EPHA5: variants seen among roughly 807,000 people sequenced by gnomAD.
EPHA5 encodes the protein EPH receptor A5, also known as ephrin type-A receptor 5.
In EPHA5, 60 loss-of-function variants were observed where a neutral mutation model predicts 105.0. The observed-to-expected ratio is 0.57, with a 90% CI of 0.46 to 0.71. EPHA5 has a LOEUF of 0.71. Ranked by LOEUF, EPHA5 falls within the 30% of genes least tolerant of loss-of-function variation. EPHA5 has a pLI of 0.00. For missense variants in EPHA5, 1,218 were observed against 1,274.7 expected, an observed-to-expected ratio of 0.96 and a Z score of 0.68; for synonymous variants, 513 against 449.1, an observed-to-expected ratio of 1.14 and a Z score of -1.80.
At chr4:65,655,146 T>A (rs1034523927) in intron 1 of EPHA5, among the ~76,000 whole-genome samples, 5 of 151,886 alleles carry the variant, frequency 3.3e-5, no homozygotes, top group African/African-American at 1.2e-4. Flanking sequence ...CTTAGAACAC[T>A]TTCATATTCT....
chr4:65,590,281 G>T (rs1307566410), intron 3 of EPHA5, among the ~76,000 whole-genome samples: 1 of 152,052 alleles, frequency 6.6e-6, no homozygotes, highest in African/African-American at 2.4e-5. Flanking sequence ...AATCACTTTG[G>T]TTCTTACAGA....
intron 3 of EPHA5, among the ~76,000 whole-genome samples, chr4:65,599,737 C>T (rs1743527722): frequency 6.6e-6 from 1 of 152,118 alleles, no homozygotes; most frequent in South Asian, 2.1e-4. Flanking sequence ...TGAAATGTCT[C>T]CAGTTAATCC....
chr4:65,440,858 T>C (rs890833788), intron 5 of EPHA5, among the ~76,000 whole-genome samples: 5 of 151,972 alleles, frequency 3.3e-5, no homozygotes, highest in African/African-American at 7.2e-5. Context: ...AGGTGGTAGT[T>C]TGGGGAAGAA....
rs116600378 is a variant in EPHA5, at chr4:65,393,992, T to G, written c.1793+10382A>C. ...GTGACAGATACATTAAATGGTGAAC[T>G]AAAACTACTTTAGTGAGAAAATAAA... On this transcript the variant is annotated intron_variant, in intron 8 of 16. Coordinates refer to ENST00000613740, the MANE Select transcript of EPHA5 (RefSeq NM_001281766.3). Among the ~76,000 whole-genome samples, 778 of 152,254 alleles carry G rather than the reference T, an allele frequency of 5.1e-3. 5 individuals are homozygous for G. The highest frequency in any genetic ancestry group is 0.018 in the African/African-American group (744 of 41,562).
At chr4:65,606,825 A>G (rs767305399) in intron 2 of EPHA5, among the ~76,000 whole-genome samples, 3 of 152,182 alleles carry the variant, frequency 2.0e-5, no homozygotes, top group Non-Finnish European at 2.9e-5. Flanking sequence ...TATTACGACC[A>G]TCTTAGGGAT....
intron 1 of EPHA5, among the ~76,000 whole-genome samples, chr4:65,647,053 G>T (rs549407004): frequency 4.6e-5 from 7 of 152,156 alleles, no homozygotes; most frequent in Non-Finnish European, 8.8e-5. Flanking sequence ...AGTTTGCCAG[G>T]CATGGTGGCT....
intron 1 of EPHA5, among the ~76,000 whole-genome samples, chr4:65,648,909 C>A (rs1295483980): frequency 6.6e-6 from 1 of 152,102 alleles, no homozygotes; most frequent in Admixed American, 6.5e-5. Flanking sequence ...GAACAGTTTA[C>A]AAAATGAGTG....
At chr4:65,565,419 A>G (rs1165637596) in intron 3 of EPHA5, among the ~76,000 whole-genome samples, 1 of 151,790 alleles carries the variant, frequency 6.6e-6, no homozygotes, top group Non-Finnish European at 1.5e-5. Flanking sequence ...ACTCACAAAC[A>G]TATAATTAGA....
At chr4:65,593,302 A>G (rs1437429910) in intron 3 of EPHA5, among the ~76,000 whole-genome samples, 2 of 152,196 alleles carry the variant, frequency 1.3e-5, no homozygotes, top group Non-Finnish European at 2.9e-5. Context: ...CTCTAAAAAC[A>G]TTGATACTGT....
At chr4:65,373,375 T>C (rs1016900125) in intron 8 of EPHA5, among the ~76,000 whole-genome samples, 3 of 151,898 alleles carry the variant, frequency 2.0e-5, no homozygotes, top group Non-Finnish European at 4.4e-5. Context: ...TTATGCCACT[T>C]TCGTGCTGTA....
At chr4:65,332,963 G>C (rs1415758851) in intron 15 of EPHA5, among the ~76,000 whole-genome samples, 1 of 151,626 alleles carries the variant, frequency 6.6e-6, no homozygotes, top group East Asian at 1.9e-4. Context: ...AATACACCGA[G>C]GAGTGGTAGA....
chr4:65,619,857 T>C (rs1745557208), intron 2 of EPHA5, among the ~76,000 whole-genome samples: 1 of 151,750 alleles, frequency 6.6e-6, no homozygotes, highest in Non-Finnish European at 1.5e-5. Context: ...TGTTTTTCTC[T>C]TTTTCCTTAT....
intron 8 of EPHA5, among the ~76,000 whole-genome samples, chr4:65,401,773 A>G (rs1445082693): frequency 3.9e-4 from 59 of 152,032 alleles, no homozygotes; most frequent in Non-Finnish European, 1.5e-5. Context: ...CAAGCTTTGG[A>G]TTTGGCAGAA....
chr4:65,404,890 G>T (rs949100465), intron 7 of EPHA5, among the ~76,000 whole-genome samples: 5 of 152,042 alleles, frequency 3.3e-5, no homozygotes, highest in African/African-American at 4.8e-5. Context: ...CTCTAGAAAA[G>T]AATCTGATGA....
intron 8 of EPHA5, among the ~76,000 whole-genome samples, chr4:65,374,717 G>C (rs982019992): frequency 6.6e-6 from 1 of 151,892 alleles, no homozygotes; most frequent in Admixed American, 6.6e-5. Flanking sequence ...ATATTCATGA[G>C]TGATCTTTCA....
chr4:65,658,162 A>T (rs1233764039), intron 1 of EPHA5, among the ~76,000 whole-genome samples: 1 of 152,124 alleles, frequency 6.6e-6, no homozygotes, highest in African/African-American at 2.4e-5. Context: ...AATCTTGTAC[A>T]GACCTAGGCA....
chr4:65,418,862 C>CTTTTTTTTTTTT lies in EPHA5; in HGVS notation c.1527+1567_1527+1578dup, dbSNP rs575608289. On this transcript the variant is annotated intron_variant, in intron 6 of 16. Transcript: ENST00000613740. ...AACATTCAATACACTTACCTAAACT[C>CTTTTTTTTTTTT]TTTTTTTTTTTTTTTTTTTTTTTTT... 1.9e-3 allele frequency among the ~76,000 whole-genome samples: 89 copies of CTTTTTTTTTTTT among 47,078 alleles called. 14 individuals are homozygous for CTTTTTTTTTTTT. Among genetic ancestry groups the CTTTTTTTTTTTT allele is most frequent in the Middle Eastern group, 0.028 (1 of 36 alleles). 30.9% of individuals were successfully genotyped at this position (47,078 alleles called of 152,430 possible).
intron 3 of EPHA5, among the ~76,000 whole-genome samples, chr4:65,525,464 C>G (rs926647651): frequency 1.3e-5 from 2 of 151,718 alleles, no homozygotes; most frequent in African/African-American, 4.8e-5. Flanking sequence ...CCCCTGTCTA[C>G]AGTGGGGATC....
intron 5 of EPHA5, among the ~76,000 whole-genome samples, chr4:65,485,694 G>T (rs1730815308): frequency 1.3e-5 from 2 of 151,968 alleles, no homozygotes; most frequent in South Asian, 2.1e-4. Context: ...TACACTTTTT[G>T]AATCCAATTT....
Sources: gnomAD v4.1 joint callset for allele counts (sites outside exome capture counted in the v4.1 genomes callset) on GRCh38, gnomAD v4.1.1 for gene constraint, MANE v1.5 for transcripts, NCBI Gene and HGNC (gene_info 2026-07-23, HGNC 2026-07-21) for gene names.